Variants in RABGAP1L observed in about 807,000 individuals in gnomAD.
RABGAP1L encodes RAB GTPase activating protein 1 like.
RABGAP1L carries 63 observed loss-of-function variants against 137.7 expected under a neutral mutation model. The observed-to-expected ratio is 0.46, with a 90% CI of 0.37 to 0.56. The LOEUF (loss-of-function observed/expected upper bound fraction) is 0.56. Among genes scored for constraint, RABGAP1L ranks in the 20% least tolerant of loss-of-function variants. The pLI is 0.00. For missense variants in RABGAP1L, 1,095 were observed against 1,244.0 expected, an observed-to-expected ratio of 0.88 and a Z score of 1.80; for synonymous variants, 431 against 433.7, an observed-to-expected ratio of 0.99 and a Z score of 0.08.
chr1:174,963,794 G>T (rs1470476925), intron 20 of RABGAP1L, among the ~76,000 whole-genome samples: 1 of 151,904 alleles, frequency 6.6e-6, no homozygotes, highest in Non-Finnish European at 1.5e-5. Context: ...GTAGAGTTGA[G>T]AAATTTCAAC....
intron 13 of RABGAP1L, among the ~76,000 whole-genome samples, chr1:174,501,184 A>G (rs1661237294): frequency 6.6e-6 from 1 of 151,582 alleles, no homozygotes; most frequent in South Asian, 2.1e-4. Context: ...TACATTTTCT[A>G]AACTTAACTT....
intron 1 of RABGAP1L, among the ~76,000 whole-genome samples, chr1:174,203,375 C>T (rs1262690302): frequency 6.6e-6 from 1 of 152,120 alleles, no homozygotes; most frequent in Non-Finnish European, 1.5e-5. Flanking sequence ...GGAGTCTTTT[C>T]CCCATTGTTT....
chr1:174,524,064 T>G (rs1187164588), intron 13 of RABGAP1L, among the ~76,000 whole-genome samples: 1 of 152,234 alleles, frequency 6.6e-6, no homozygotes, highest in Non-Finnish European at 1.5e-5. Context: ...ATTCCATATC[T>G]TAGCTACTAT....
chr1:174,302,142 T>G (rs1253876779), intron 10 of RABGAP1L, among the ~76,000 whole-genome samples: 1 of 152,224 alleles, frequency 6.6e-6, no homozygotes, highest in Non-Finnish European at 1.5e-5. Context: ...CTATCCTTAT[T>G]GTTATTACCA....
chr1:174,301,732 T>C (rs572650392), intron 10 of RABGAP1L, among the ~76,000 whole-genome samples: 7 of 152,158 alleles, frequency 4.6e-5, no homozygotes, highest in South Asian at 4.2e-4. Flanking sequence ...TGGGCTCAGA[T>C]TGGGGAGTGT....
chr1:174,207,606 T>A (rs1010626253), intron 1 of RABGAP1L, among the ~76,000 whole-genome samples: 3 of 152,218 alleles, frequency 2.0e-5, no homozygotes, highest in Non-Finnish European at 2.9e-5. Flanking sequence ...GGAATCCATC[T>A]TGCTATCCCA....
chr1:174,597,904 G>A (rs1314648811), intron 13 of RABGAP1L, among the ~76,000 whole-genome samples: 1 of 151,984 alleles, frequency 6.6e-6, no homozygotes, highest in Non-Finnish European at 1.5e-5. Context: ...TTTCTTCATT[G>A]ACTCACTGGT....
chr1:174,482,982 TTTTTTAA>T, intron 13 of RABGAP1L, among the ~76,000 whole-genome samples: 1 of 152,286 alleles, frequency 6.6e-6, no homozygotes, highest in East Asian at 1.9e-4. Context: ...CCTTTAGCAT[TTTTTTAA>T]TTTTTAATTT....
intron 14 of RABGAP1L, among the ~76,000 whole-genome samples, chr1:174,665,434 G>T (rs997373867): frequency 1.5e-5 from 1 of 65,084 alleles, no homozygotes; most frequent in Non-Finnish European, 3.1e-5. Context: ...GCCTCGCCCC[G>T]CCCCGCCCCG....
intron 11 of RABGAP1L, among the ~76,000 whole-genome samples, chr1:174,306,183 G>T (rs1455423032): frequency 6.6e-6 from 1 of 152,168 alleles, no homozygotes; most frequent in East Asian, 1.9e-4. Flanking sequence ...ATTTGGGTTG[G>T]TTCCAAGTCT....
intron 15 of RABGAP1L, among the ~76,000 whole-genome samples, chr1:174,690,517 G>T (rs1266692425): frequency 1.3e-5 from 2 of 152,036 alleles, no homozygotes; most frequent in Non-Finnish European, 2.9e-5. Context: ...TCTAATAATG[G>T]TAACTGTTGC....
intron 19 of RABGAP1L, among the ~76,000 whole-genome samples, chr1:174,890,371 G>A (rs1004715758): frequency 6.6e-6 from 1 of 152,084 alleles, no homozygotes; most frequent in Non-Finnish European, 1.5e-5. Flanking sequence ...TTTTCCTTGT[G>A]GGTTGTTTTA....
At chr1:174,689,337 A>G (rs1678709918) in intron 15 of RABGAP1L, among the ~76,000 whole-genome samples, 1 of 151,650 alleles carries the variant, frequency 6.6e-6, no homozygotes, top group Admixed American at 6.6e-5. Context: ...GTATATATAT[A>G]TATTTATAAC....
In RABGAP1L at chr1:174,341,771, T is replaced by C. The variant is rs372883474; in HGVS notation, c.1466-29208T>C. Among the ~76,000 whole-genome samples, 131 of 152,298 alleles carry C rather than the reference T, an allele frequency of 8.6e-4. 3 individuals are homozygous for C. The South Asian group carries it at 0.013, about 15-fold the overall frequency. ...ATAATTATCTTATGACCTGAAGATT[T>C]GTTTTGCTTAATGAAATGTGTTTCA... is the stretch of plus-strand genomic sequence containing the variant. On this transcript the variant is annotated intron_variant, in intron 11 of 25. Coordinates refer to ENST00000681986, the MANE Select transcript of RABGAP1L (RefSeq NM_001366446.1).
At chr1:174,670,917 AT>A (rs1475845328) in intron 14 of RABGAP1L, among the ~76,000 whole-genome samples, 1 of 152,098 alleles carries the variant, frequency 6.6e-6, no homozygotes, top group Non-Finnish European at 1.5e-5. Context: ...TAGCAATGGG[AT>A]TGCTGGATCA....
rs544393262 is a variant in RABGAP1L, at chr1:174,542,430, T to G, written c.1711-94945T>G. Among the ~76,000 whole-genome samples the G allele has an allele frequency of 9.6e-3, 1,456 of 152,266 alleles. 23 individuals carry two copies. The highest frequency in any genetic ancestry group is 0.033 in the African/African-American group (1,385 of 41,554). Reference sequence around the variant, plus strand: ...TGGTAGTTTGTATTTCTGTGGGATCTGTGGTGATATCCCCTTTATCATTTT... The same window carrying G: ...TGGTAGTTTGTATTTCTGTGGGATCGGTGGTGATATCCCCTTTATCATTTT... On this transcript the variant is annotated intron_variant, in intron 13 of 25. Transcript: ENST00000681986.
intron 13 of RABGAP1L, among the ~76,000 whole-genome samples, chr1:174,612,539 C>T (rs1002502382): frequency 9.2e-5 from 14 of 152,050 alleles, no homozygotes; most frequent in South Asian, 6.3e-4. Flanking sequence ...TGTCTCTGCC[C>T]GGCTTTGGTA....
At chr1:174,183,287 C>G (rs1409631138) in intron 1 of RABGAP1L, among the ~76,000 whole-genome samples, 1 of 152,092 alleles carries the variant, frequency 6.6e-6, no homozygotes, top group Non-Finnish European at 1.5e-5. Context: ...TTGCCCAGGC[C>G]CTGCCGTGGT....
At chr1:174,718,393 C>T (rs1294953046) in intron 17 of RABGAP1L, among the ~76,000 whole-genome samples, 2 of 152,198 alleles carry the variant, frequency 1.3e-5, no homozygotes, top group African/African-American at 2.4e-5. Flanking sequence ...CTCTACCTCA[C>T]TTCTCTGCTT....
Sources: gnomAD v4.1 joint callset for allele counts (sites outside exome capture counted in the v4.1 genomes callset) on GRCh38, gnomAD v4.1.1 for gene constraint, MANE v1.5 for transcripts, NCBI Gene and HGNC (gene_info 2026-07-23, HGNC 2026-07-21) for gene names.